Variants in PCBP3 observed in about 807,000 individuals in gnomAD.
PCBP3 encodes the protein poly(rC) binding protein 3.
Under a neutral mutation model 52.7 loss-of-function variants are expected in PCBP3, and 25 were observed. That is an observed-to-expected ratio of 0.47 (90% confidence interval 0.35 to 0.66). The LOEUF is 0.66. Ranked by LOEUF, PCBP3 falls within the 30% of genes least tolerant of loss-of-function variation. The pLI is 0.01. For missense variants in PCBP3, 391 were observed against 490.3 expected (o/e 0.80, Z 1.91); for synonymous variants, 162 against 183.0 (o/e 0.89, Z 0.93).
At chr21:45,861,211 C>G (rs2094498956) in intron 5 of PCBP3, among the ~76,000 whole-genome samples, 1 of 152,252 alleles carries the variant, frequency 6.6e-6, no homozygotes, top group East Asian at 1.9e-4. Flanking sequence ...CTTCTCCCCA[C>G]CGCACACAGC....
intron 4 of PCBP3, among the ~76,000 whole-genome samples, chr21:45,826,897 A>C (rs2093322646): frequency 6.6e-6 from 1 of 152,172 alleles, no homozygotes; most frequent in East Asian, 1.9e-4. Flanking sequence ...CTGTGGCCAC[A>C]GCCTCCCCCG....
intron 6 of PCBP3, among the ~76,000 whole-genome samples, chr21:45,899,117 C>G (rs961442637): frequency 6.6e-6 from 1 of 152,258 alleles, no homozygotes; most frequent in Non-Finnish European, 1.5e-5. Flanking sequence ...GCCTTGGGCT[C>G]GCCATCAGAA....
chr21:45,816,118 A>AGTG (rs1555953095), intron 4 of PCBP3, among the ~76,000 whole-genome samples: 1 of 143,314 alleles, frequency 7.0e-6, no homozygotes, highest in Non-Finnish European at 1.5e-5. Context: ...GTGAGTGGTG[A>AGTG]GTGAGTGGTG....
At chr21:45,810,502 G>A (rs996959611) in intron 4 of PCBP3, among the ~76,000 whole-genome samples, 2 of 151,848 alleles carry the variant, frequency 1.3e-5, no homozygotes, top group Non-Finnish European at 2.9e-5. Context: ...GGGCTCAAGC[G>A]ATCTTCCCAC....
chr21:45,918,528 G>T (rs1407513985), intron 13 of PCBP3: 1 of 73,946 alleles, frequency 1.4e-5, no homozygotes, highest in Admixed American at 1.2e-4. Context: ...AACGGTCGGT[G>T]TAATTCCAGT....
chr21:45,744,035 C>G (rs2086643637), intron 3 of PCBP3, among the ~76,000 whole-genome samples: 1 of 146,846 alleles, frequency 6.8e-6, no homozygotes, highest in Non-Finnish European at 1.5e-5. Flanking sequence ...TACACATTTT[C>G]TTATACACCA....
intron 4 of PCBP3, among the ~76,000 whole-genome samples, chr21:45,842,169 A>G (rs2093712696): frequency 1.3e-5 from 2 of 152,320 alleles, no homozygotes; most frequent in Non-Finnish European, 1.5e-5. Context: ...GCCCTTCAGT[A>G]TGGCTTAAAT....
chr21:45,664,595 A>AT (rs199838953), intron 1 of PCBP3, among the ~76,000 whole-genome samples: 2 of 147,060 alleles, frequency 1.4e-5, no homozygotes, highest in African/African-American at 2.6e-5. Flanking sequence ...AAGAGCTTTT[A>AT]TTTTTTTTAA....
At chr21:45,813,376 A>G (rs1192603920) in intron 4 of PCBP3, among the ~76,000 whole-genome samples, 1 of 152,016 alleles carries the variant, frequency 6.6e-6, no homozygotes, top group African/African-American at 2.4e-5. Context: ...TCATTTTTAT[A>G]GTTTCCCTTT....
intron 2 of PCBP3, among the ~76,000 whole-genome samples, chr21:45,669,805 G>GTGTATATATATA (rs1228443065): frequency 2.0e-5 from 1 of 49,726 alleles, no homozygotes; most frequent in Non-Finnish European, 3.9e-5. Flanking sequence ...GTGTGTGTGT[G>GTGTATATATATA]TATATATATA....
intron 2 of PCBP3, among the ~76,000 whole-genome samples, chr21:45,680,461 T>A (rs1214226555): frequency 6.6e-6 from 1 of 152,206 alleles, no homozygotes; most frequent in East Asian, 1.9e-4. Context: ...AAGTGTGTGT[T>A]TATTTTCAGG....
chr21:45,926,488 C>G (rs1367731507), intron 13 of PCBP3, among the ~76,000 whole-genome samples: 1 of 152,186 alleles, frequency 6.6e-6, no homozygotes, highest in African/African-American at 2.4e-5. Context: ...CTGTGATCAT[C>G]GGAGATGACT....
intron 4 of PCBP3, among the ~76,000 whole-genome samples, chr21:45,819,266 T>G (rs565044888): frequency 6.6e-6 from 1 of 152,312 alleles, no homozygotes; most frequent in South Asian, 2.1e-4. Context: ...GAAATCTCTG[T>G]GTTTTGTGCT....
intron 4 of PCBP3, among the ~76,000 whole-genome samples, chr21:45,757,237 G>C (rs2088144835): frequency 6.6e-6 from 1 of 152,198 alleles, no homozygotes; most frequent in African/African-American, 2.4e-5. Flanking sequence ...GCCTGAAGTA[G>C]TATCGTGCTG....
chr21:45,646,083 T>TTCTC (rs1164554233), intron 1 of PCBP3, among the ~76,000 whole-genome samples: 20 of 99,564 alleles, frequency 2.0e-4, no homozygotes, highest in East Asian at 4.8e-4. Flanking sequence ...CTCTCTCTCT[T>TTCTC]TCTCTCTCTC....
At chr21:45,925,939 G>A (rs1280821141) in intron 13 of PCBP3, among the ~76,000 whole-genome samples, 2 of 152,206 alleles carry the variant, frequency 1.3e-5, no homozygotes, top group Non-Finnish European at 2.9e-5. Context: ...AGAACCACCC[G>A]TGATCCTGAC....
intron 2 of PCBP3, among the ~76,000 whole-genome samples, chr21:45,707,617 A>T (rs969063366): frequency 6.6e-6 from 1 of 152,224 alleles, no homozygotes; most frequent in South Asian, 2.1e-4. Flanking sequence ...ACCTCTGTCC[A>T]CACTTGGTGA....
chr21:45,895,039 G>T (rs116270017), intron 5 of PCBP3, among the ~76,000 whole-genome samples: 1 of 152,194 alleles, frequency 6.6e-6, no homozygotes, highest in African/African-American at 2.4e-5. Context: ...CAGCGTAAGC[G>T]CGGGTGTAGA....
At chr21:45,850,494 G>A (rs2093952998) in intron 5 of PCBP3, among the ~76,000 whole-genome samples, 1 of 152,122 alleles carries the variant, frequency 6.6e-6, no homozygotes, top group Non-Finnish European at 1.5e-5. Context: ...ATCAGGAGTG[G>A]GGGTGCTGTT....
Sources: gnomAD v4.1 joint callset for allele counts (sites outside exome capture counted in the v4.1 genomes callset) on GRCh38, gnomAD v4.1.1 for gene constraint, MANE v1.5 for transcripts, NCBI Gene and HGNC (gene_info 2026-07-23, HGNC 2026-07-21) for gene names.